Variants in RPLP1 observed in about 807,000 individuals in gnomAD.
RPLP1 encodes the protein ribosomal protein lateral stalk subunit P1, also known as large ribosomal subunit protein P1.
RPLP1 carries 4 observed loss-of-function variants against 11.6 expected under a neutral mutation model. That is an observed-to-expected ratio of 0.34 (90% confidence interval 0.17 to 0.79). RPLP1 has a LOEUF of 0.79. Among genes scored for constraint, RPLP1 ranks in the 30% least tolerant of loss-of-function variants. The pLI is 0.55. For missense variants in RPLP1, 133 were observed against 142.8 expected, an observed-to-expected ratio of 0.93 and a Z score of 0.35; for synonymous variants, 54 against 52.2, an observed-to-expected ratio of 1.03 and a Z score of -0.15.
rs1814763 is a variant in RPLP1, at chr15:69,452,881, T to C, written c.-68T>C. 2 of 1,415,414 alleles carry C rather than the reference T, an allele frequency of 1.4e-6. No homozygotes were observed. The highest frequency in any genetic ancestry group is 9.7e-7 in the Non-Finnish European group (1 of 1,032,028). 87.7% of individuals were successfully genotyped at this position (1,415,414 alleles called of 1,614,324 possible). On this transcript the variant is annotated 5_prime_UTR_variant, in exon 1 of 4. Transcript: ENST00000260379. ...CGAGGAAGCTAAGGCTGCGTTGGGG[T>C]GAGGCCCTCACTTCATCCGGCGACT...
rs138114416 is a variant in RPLP1 at position 69,453,786 on chromosome 15, C to T, written c.147+65C>T. The T allele has an allele frequency of 1.0e-4, 162 of 1,544,310 alleles. 2 individuals are homozygous for T. In the East Asian group the frequency reaches 3.6e-3, roughly 35 times the overall value. ...TGATTTACGAGGGCAGTTGTACATG[C>T]TAAAGTACCCCCAGCGGTGCCATAA... On this transcript the variant is annotated intron_variant, in intron 2 of 3. Transcript: ENST00000260379.
intron 2 of RPLP1, 135 bp downstream of exon 2, chr15:69,453,856 T>C: frequency 1.2e-6 from 1 of 807,980 alleles, no homozygotes; most frequent in Non-Finnish European, 2.1e-6. Flanking sequence ...TCGTTGCATG[T>C]ATATCTCTAG....
intron 1 of RPLP1, 168 bp downstream of exon 1, chr15:69,453,188 G>C: frequency 1.5e-6 from 1 of 655,052 alleles, no homozygotes; most frequent in South Asian, 1.9e-5. Context: ...CCTCTCTCCG[G>C]GCAGGTCCTG....
chr15:69,453,123 C>T (rs942778729), intron 1 of RPLP1, 103 bp downstream of exon 1: 14 of 1,095,428 alleles, frequency 1.3e-5, no homozygotes, highest in Non-Finnish European at 1.7e-5. Flanking sequence ...CACTTCCGGC[C>T]GGGGCCAGGC....
At position 69,452,925 on chromosome 15, in the gene RPLP1, G is replaced by T. The variant is rs2102265; in HGVS notation, c.-24G>T. The T allele has an allele frequency of 1.9e-3, 3,028 of 1,563,758 alleles. 50 individuals carry two copies. The African/African-American group carries it at 0.037, about 19-fold the overall frequency. Reference sequence around the variant, plus strand: ...GGCGACTAGCACCGCGTCCGGCAGCGCCAGCCCTACACTCGCCCGCGCCAT... The same window carrying T: ...GGCGACTAGCACCGCGTCCGGCAGCTCCAGCCCTACACTCGCCCGCGCCAT... On this transcript the variant is annotated 5_prime_UTR_variant, in exon 1 of 4. Coordinates refer to ENST00000260379, the MANE Select transcript of RPLP1 (RefSeq NM_001003.3).
rs1177308727 is a variant in RPLP1 at position 69,453,000 on chromosome 15, G to A, written c.52G>A (p.Asp18Asn). 15 of 1,575,030 alleles carry A rather than the reference G, an allele frequency of 9.5e-6. No homozygotes were observed. The East Asian group carries it at 3.1e-4, about 32-fold the overall frequency. ...ACIYSALILHDDEVTVTEDKI... is the reference protein window; with the variant it reads ...ACIYSALILHNDEVTVTEDKI... ...CATCTACTCGGCCCTCATTCTGCACGACGATGAGGTGACAGTCACGGTGAG... is the reference window on the plus strand; with the variant it reads ...CATCTACTCGGCCCTCATTCTGCACAACGATGAGGTGACAGTCACGGTGAG... Residue 18 changes from aspartate (D) to asparagine (N), a missense_variant, in exon 1 of 4, where the codon GAC becomes AAC. Transcript: ENST00000260379.
At chr15:69,455,057 G>GT (rs1892413354) in intron 2 of RPLP1, 113 bp from the exon 3 acceptor site, 1 of 1,451,846 alleles carries the variant, frequency 6.9e-7, no homozygotes, top group Non-Finnish European at 9.2e-7. Context: ...TGTATATAGT[G>GT]TTAGGGGTTG....
At chr15:69,454,774 T>G (rs1892409478) in intron 2 of RPLP1, 1 of 154,086 alleles carries the variant, frequency 6.5e-6, no homozygotes, top group Admixed American at 6.5e-5. Flanking sequence ...CCTCAGGAGG[T>G]TCTTAACATA....
chr15:69,454,149 C>G lies in RPLP1; in HGVS notation c.147+428C>G, dbSNP rs768308476. ...GTTCACGCCATTATCCTGCCTCAGC[C>G]TCCCGAGCAGCTGGGACTACAGGCG... On this transcript the variant is annotated intron_variant, in intron 2 of 3. Transcript: ENST00000260379. 49 of 181,320 alleles carry G rather than the reference C, an allele frequency of 2.7e-4. 1 individual carries two copies. Among genetic ancestry groups the G allele is most frequent in the Admixed American group, 3.6e-4 (6 of 16,620 alleles). 11.2% of individuals were successfully genotyped at this position (181,320 alleles called of 1,614,324 possible). A position where few individuals can be genotyped will look rare whatever the true frequency, so the allele number is the denominator to read the frequency against.
At chr15:69,454,059 G>A (rs915689225) in intron 2 of RPLP1, 2 of 277,274 alleles carry the variant, frequency 7.2e-6, no homozygotes, top group African/African-American at 4.6e-5. Flanking sequence ...TTTTTCTTGA[G>A]ACGGAGTCAC....
chr15:69,452,899 C>T lies in RPLP1; in HGVS notation c.-50C>T, dbSNP rs1892369838. 1.3e-6 allele frequency: 2 copies of T among 1,521,296 alleles called. No individual in the cohort carries two copies. Among genetic ancestry groups the T allele is most frequent in the South Asian group, 2.4e-5 (2 of 83,822 alleles). 94.2% of individuals were successfully genotyped at this position (1,521,296 alleles called of 1,614,324 possible). On this transcript the variant is annotated 5_prime_UTR_variant, in exon 1 of 4. Coordinates refer to ENST00000260379, the MANE Select transcript of RPLP1 (RefSeq NM_001003.3). ...GTTGGGGTGAGGCCCTCACTTCATC[C>T]GGCGACTAGCACCGCGTCCGGCAGC...
chr15:69,453,611 T>A lies in RPLP1; in HGVS notation c.73-36T>A, dbSNP rs773716385. On this transcript the variant is annotated intron_variant, in intron 1 of 3. Transcript: ENST00000260379. ...AGCATTTTGGAGATATTACATACGC[T>A]ACGTTTTGATGGATTGACGTTTTTA... The A allele has an allele frequency of 3.1e-6, 5 of 1,607,332 alleles. No homozygotes were observed. The Admixed American group carries it at 8.3e-5, about 27-fold the overall frequency.
chr15:69,452,962 C>A lies in RPLP1; in HGVS notation c.14C>A (p.Ser5Tyr). 1 of 1,580,254 alleles carries A rather than the reference C, an allele frequency of 6.3e-7. No homozygotes were observed. Among genetic ancestry groups the A allele is most frequent in the Non-Finnish European group, 8.6e-7 (1 of 1,165,384 alleles). MASV[S>Y]ELACIYSALI... ...CTCGCCCGCGCCATGGCCTCTGTCT[C>A]CGAGCTCGCCTGCATCTACTCGGCC... The change falls in exon 1 of 4, where the codon TCC (serine) becomes TAC (tyrosine). Residue 5 changes from serine (S) to tyrosine (Y), a missense_variant. Ser to Tyr is a moderately radical substitution (Grantham distance 144, BLOSUM62 -2). Coordinates refer to ENST00000260379, the MANE Select transcript of RPLP1 (RefSeq NM_001003.3).
chr15:69,455,689 G>A lies in RPLP1; in HGVS notation c.*182G>A, dbSNP rs1567088302. The A allele has an allele frequency of 1.0e-5, 6 of 596,904 alleles. No homozygotes were observed. In the East Asian group the frequency reaches 1.7e-4, roughly 17 times the overall value. The allele number at this position is 596,904 out of a possible 1,614,324, so 37.0% of individuals were successfully genotyped here. A position where few individuals can be genotyped will look rare whatever the true frequency, so the allele number is the denominator to read the frequency against. On this transcript the variant is annotated 3_prime_UTR_variant, in exon 4 of 4. Transcript: ENST00000260379. ...CCGGATGTGAGATTTAGACAATCCT[G>A]ATGCTAACAAGAAGGCACCTCATGG...
rs576544725 is a variant in RPLP1 at position 69,455,414 on chromosome 15, C to CT, written c.266-5dup. The CT allele has an allele frequency of 1.8e-4, 293 of 1,587,942 alleles. 1 individual carries two copies. The highest frequency in any genetic ancestry group is 1.7e-3 in the African/African-American group (126 of 73,556). On this transcript the variant is annotated splice_polypyrimidine_tract_variant and intron_variant, in intron 3 of 3. Coordinates refer to ENST00000260379, the MANE Select transcript of RPLP1 (RefSeq NM_001003.3). ...TATGGAAATCCTAACACCTGATTGA[C>CT]TTTTTTTTTCTAGCTGAGGAGAAGA... is the stretch of plus-strand genomic sequence containing the variant.
chr15:69,452,874 G>A lies in RPLP1; in HGVS notation c.-75G>A. 7.3e-7 allele frequency: 1 copy of A among 1,370,984 alleles called. No homozygotes were observed. 84.9% of individuals were successfully genotyped at this position (1,370,984 alleles called of 1,614,324 possible). A position where few individuals can be genotyped will look rare whatever the true frequency, so the allele number is the denominator to read the frequency against. On this transcript the variant is annotated 5_prime_UTR_variant, in exon 1 of 4. Coordinates refer to ENST00000260379, the MANE Select transcript of RPLP1 (RefSeq NM_001003.3). ...GTCCTTCCGAGGAAGCTAAGGCTGC[G>A]TTGGGGTGAGGCCCTCACTTCATCC...
chr15:69,455,319 G>A (rs774223584), intron 3 of RPLP1, 32 bp downstream of exon 3: 1 of 1,541,622 alleles, frequency 6.5e-7, no homozygotes, highest in Non-Finnish European at 8.7e-7. Flanking sequence ...GTATTGGGAG[G>A]AGTGTAGAGA....
At chr15:69,453,759 G>A in intron 2 of RPLP1, 38 bp downstream of exon 2, 7 of 1,609,582 alleles carry the variant, frequency 4.3e-6, no homozygotes, top group Non-Finnish European at 6.0e-6. Flanking sequence ...GGTAAGGCCT[G>A]CTGATTTACG....
At chr15:69,453,187 G>C (rs977580095) in intron 1 of RPLP1, 167 bp downstream of exon 1, 2 of 661,596 alleles carry the variant, frequency 3.0e-6, no homozygotes, top group Non-Finnish European at 5.1e-6. Flanking sequence ...GCCTCTCTCC[G>C]GGCAGGTCCT....
Sources: gnomAD v4.1 joint callset for allele counts on GRCh38, gnomAD v4.1.1 for gene constraint, MANE v1.5 for transcripts, NCBI Gene and HGNC (gene_info 2026-07-23, HGNC 2026-07-21) for gene names.